CCDC39: variants seen among roughly 807,000 people sequenced by gnomAD.
CCDC39 encodes the protein coiled-coil domain-containing protein 39.
A neutral mutation model predicts 121.0 loss-of-function variants in CCDC39; 113 were observed. The observed-to-expected ratio is 0.93, with a 90% confidence interval of 0.80 to 1.09. The LOEUF (loss-of-function observed/expected upper bound fraction) is 1.09, where lower values mean the gene tolerates loss of function less well. CCDC39 is among the 50% of genes least tolerant of loss of function. The pLI, the probability that CCDC39 is intolerant of heterozygous loss-of-function variation, is 0.00. For missense variants in CCDC39, 1,063 were observed against 1,074.7 expected, an observed-to-expected ratio of 0.99 and a Z score of 0.15; for synonymous variants, 349 against 352.2, an observed-to-expected ratio of 0.99 and a Z score of 0.10.
At chr3:180,640,712 T>C (rs1173143690) in intron 13 of CCDC39, among the ~76,000 whole-genome samples, 1 of 152,002 alleles carries the variant, frequency 6.6e-6, no homozygotes. Flanking sequence ...AAAATAGAAT[T>C]TACCAAAACA....
intron 1 of CCDC39, among the ~76,000 whole-genome samples, chr3:180,677,081 C>T (rs562630304): frequency 6.9e-6 from 1 of 145,906 alleles, no homozygotes; most frequent in Admixed American, 7.0e-5. Context: ...ACCAACATGG[C>T]ACATGTATAC....
At chr3:180,631,240 G>A (rs985585501) in intron 14 of CCDC39, among the ~76,000 whole-genome samples, 14 of 150,362 alleles carry the variant, frequency 9.3e-5, no homozygotes, top group East Asian at 1.9e-4. Flanking sequence ...TTGACCTCAC[G>A]GACTAGAGGT....
In CCDC39 at chr3:180,616,704, A is replaced by G. The variant is rs878855282; in HGVS notation, c.2407-9T>C. 1.3e-6 allele frequency: 2 copies of G among 1,583,068 alleles called. No homozygotes were observed. The highest frequency in any genetic ancestry group is 3.6e-5 in the Admixed American group (2 of 55,350). ...TTTGTGAGTTTTGCACACTGTTGGT[A>G]AATAATAGTCAATTATTCTATAAAC... is the stretch of plus-strand genomic sequence containing the variant. On this transcript the variant is annotated splice_polypyrimidine_tract_variant and intron_variant, in intron 17 of 19. Transcript: ENST00000476379.
chr3:180,644,641 G>C (rs1718031400), intron 11 of CCDC39, among the ~76,000 whole-genome samples: 2 of 151,838 alleles, frequency 1.3e-5, no homozygotes, highest in Admixed American at 1.3e-4. Context: ...CATAGTATTT[G>C]CATATAATCT....
At chr3:180,658,198 C>A (rs1188796544) in intron 6 of CCDC39, among the ~76,000 whole-genome samples, 1 of 148,190 alleles carries the variant, frequency 6.7e-6, no homozygotes, top group Non-Finnish European at 1.5e-5. Context: ...GAGATCACGG[C>A]ATTGCACTCC....
chr3:180,673,233 G>A (rs1712098615), intron 1 of CCDC39, among the ~76,000 whole-genome samples: 1 of 152,214 alleles, frequency 6.6e-6, no homozygotes, highest in Non-Finnish European at 1.5e-5. Flanking sequence ...TTGGAGAATT[G>A]ACTCCACCTT....
intron 14 of CCDC39, among the ~76,000 whole-genome samples, chr3:180,624,373 A>G (rs1717503991): frequency 6.6e-6 from 1 of 151,962 alleles, no homozygotes; most frequent in Admixed American, 6.6e-5. Context: ...TCCACCATCT[A>G]TATGTTTTAA....
rs144682534 is a variant in CCDC39, at chr3:180,629,987, C to T, written c.1998+1482G>A. 3.3e-3 allele frequency among the ~76,000 whole-genome samples: 498 copies of T among 152,212 alleles called. 3 individuals carry two copies. Among genetic ancestry groups the T allele is most frequent in the Admixed American group, 7.3e-3 (112 of 15,298 alleles). On this transcript the variant is annotated intron_variant, in intron 14 of 19. Transcript: ENST00000476379. The stretch of plus-strand genomic sequence containing the variant: ...ACTCATTTTGTGCCAGCCACCGTCC[C>T]AAGGGCTTTACATGTATTTTCTCTT...
rs1318937455 is a variant in CCDC39 at position 180,644,139 on chromosome 3, T to G, written c.1646A>C (p.Lys549Thr). 1.9e-6 allele frequency: 3 copies of G among 1,545,704 alleles called. No homozygotes were observed. The highest frequency in any genetic ancestry group is 1.7e-6 in the Non-Finnish European group (2 of 1,144,848). The change falls in exon 12 of 20, where the codon AAA (lysine) becomes ACA (threonine). Residue 549 changes from lysine to threonine, a missense_variant. Lys to Thr is a moderately conservative substitution (Grantham distance 78). Transcript: ENST00000476379. ...CTGCACCTGCTTAAAACCTTTGGCT[T>G]TATCAAGTTCTTTCTCTGATCTGTC... ...FIDRSEKELD[K>T]AKGFKQDLMI... is the part of the protein sequence containing the mutation.
Position 180,661,863 on chromosome 3 carries a change from CT to C in CCDC39, c.354del (p.Glu119LysfsTer14). 1 of 1,579,044 alleles carries C rather than the reference CT, an allele frequency of 6.3e-7. No homozygotes were observed. The highest frequency in any genetic ancestry group is 8.6e-7 in the Non-Finnish European group (1 of 1,160,508). On this transcript the variant is annotated frameshift_variant, in exon 3 of 20. Transcript: ENST00000476379. LOFTEE classifies it high-confidence loss of function. ...MASILEKKSD[K>X]ENGIFKATQK... is the part of the protein sequence containing the mutation. ...TTAAGTAATATTTCAACATATACTT[CT>C]TTATCACTTTTCTTTTCCAGTATTG...
At chr3:180,671,951 G>T (rs569268438) in intron 1 of CCDC39, among the ~76,000 whole-genome samples, 40 of 152,270 alleles carry the variant, frequency 2.6e-4, no homozygotes, top group Non-Finnish European at 4.6e-4. Context: ...CATTGATAAA[G>T]GTGGCTACAC....
At chr3:180,634,007 G>GA (rs528641341) in intron 13 of CCDC39, among the ~76,000 whole-genome samples, 156 of 152,144 alleles carry the variant, frequency 1.0e-3, no homozygotes, top group African/African-American at 3.4e-3. Flanking sequence ...TTGATTTGGG[G>GA]AAAAAACAGC....
At chr3:180,630,220 C>T (rs377455134) in intron 14 of CCDC39, among the ~76,000 whole-genome samples, 1 of 152,164 alleles carries the variant, frequency 6.6e-6, no homozygotes, top group African/African-American at 2.4e-5. Context: ...TTCCGATTTC[C>T]CAATACCTAA....
chr3:180,642,298 C>CT (rs1235334663), intron 12 of CCDC39, 97 bp from the exon 13 acceptor site: 2 of 614,402 alleles, frequency 3.3e-6, no homozygotes, highest in Non-Finnish European at 5.3e-6. Context: ...GAAAATATAC[C>CT]TTTTTCCAAT....
intron 13 of CCDC39, among the ~76,000 whole-genome samples, chr3:180,641,367 A>G (rs534101891): frequency 3.2e-4 from 49 of 152,256 alleles, no homozygotes; most frequent in Middle Eastern, 3.4e-3. Flanking sequence ...GAGATCAGAT[A>G]ATAAGACAAG....
intron 1 of CCDC39, among the ~76,000 whole-genome samples, chr3:180,678,736 T>C (rs997280551): frequency 6.6e-6 from 1 of 152,148 alleles, no homozygotes; most frequent in Non-Finnish European, 1.5e-5. Flanking sequence ...CTTATGTTAA[T>C]CTGTGACAAC....
chr3:180,666,151 C>T (rs1447191663), intron 1 of CCDC39, among the ~76,000 whole-genome samples: 1 of 152,100 alleles, frequency 6.6e-6, no homozygotes, highest in South Asian at 2.1e-4. Context: ...CCCTGACATC[C>T]ACCATTCCAC....
chr3:180,651,514 G>T lies in CCDC39; in HGVS notation c.1054C>A (p.His352Asn). The T allele has an allele frequency of 4.6e-6, 7 of 1,526,198 alleles. No homozygotes were observed. Among genetic ancestry groups the T allele is most frequent in the Non-Finnish European group, 6.1e-6 (7 of 1,139,322 alleles). 94.5% of individuals were successfully genotyped at this position (1,526,198 alleles called of 1,614,324 possible). Residue 352 changes from histidine to asparagine, a missense_variant, in exon 9 of 20, where the codon CAT (histidine) becomes AAT (asparagine). His to Asn is a moderately conservative substitution (Grantham distance 68, BLOSUM62 1). Coordinates refer to ENST00000476379, the MANE Select transcript of CCDC39 (RefSeq NM_181426.2). ...AATTTTGTTTGTATTATCTCATTAT[G>T]ATTTTTAGTTTTTTGTAACCTGAAG... Reference protein sequence around the residue: ...ETARLQKTKNHNEIIQTKLKE... With the variant: ...ETARLQKTKNNNEIIQTKLKE...
rs912195696 is a variant in CCDC39, at chr3:180,648,419, T to C, written c.1168-60A>G. On this transcript the variant is annotated intron_variant, in intron 9 of 19. Transcript: ENST00000476379. ...AATATATTGAAATGTTGTATTTATA[T>C]GAACATAATAATTTAGAAACTCAAA... 10 of 1,140,292 alleles carry C rather than the reference T, an allele frequency of 8.8e-6. No homozygotes were observed. The South Asian group carries it at 1.8e-4, about 20-fold the overall frequency. The allele number at this position is 1,140,292 out of a possible 1,614,324, so 70.6% of individuals were successfully genotyped here.
Sources: gnomAD v4.1 joint callset for allele counts (sites outside exome capture counted in the v4.1 genomes callset) on GRCh38, gnomAD v4.1.1 for gene constraint, MANE v1.5 for transcripts, NCBI Gene and HGNC (gene_info 2026-07-23, HGNC 2026-07-21) for gene names.